The following IL23R variants were observed in gnomAD, a reference collection of about 807,000 sequenced individuals.
The protein encoded by IL23R is interleukin 23 receptor.
In IL23R, 34 loss-of-function variants were observed where a neutral mutation model predicts 56.9. The ratio of observed to expected loss-of-function variants is 0.60; its 90% CI spans 0.45 to 0.80. The LOEUF (loss-of-function observed/expected upper bound fraction) is 0.80. IL23R is among the 30% of genes least tolerant of loss of function. The pLI is 0.00. For missense variants in IL23R, 635 were observed against 730.0 expected, an observed-to-expected ratio of 0.87 and a Z score of 1.50; for synonymous variants, 230 against 249.2, an observed-to-expected ratio of 0.92 and a Z score of 0.73.
chr1:67,255,983 C>A, intron 10 of IL23R, 56 bp downstream of exon 10: 1 of 924,430 alleles, frequency 1.1e-6, no homozygotes, highest in South Asian at 1.3e-5. Context: ...AGAGTGCAGT[C>A]TAATAATTAG....
chr1:67,173,371 C>T (rs925114452), intron 3 of IL23R, among the ~76,000 whole-genome samples: 1 of 152,048 alleles, frequency 6.6e-6, no homozygotes, highest in East Asian at 1.9e-4. Context: ...ATGTAGATGC[C>T]GTGGAGTAAC....
chr1:67,163,266 T>C (rs892179887), upstream of IL23R, among the ~76,000 whole-genome samples: 3 of 151,456 alleles, frequency 2.0e-5, no homozygotes, highest in African/African-American at 7.3e-5. Flanking sequence ...ATTAGGAGTT[T>C]GAGACCAGCC....
At chr1:67,248,188 G>A (rs1027484664) in intron 9 of IL23R, among the ~76,000 whole-genome samples, 5 of 152,118 alleles carry the variant, frequency 3.3e-5, no homozygotes, top group African/African-American at 1.2e-4. Context: ...AGTTCTCCTG[G>A]ATAATATCCT....
At chr1:67,243,062 G>A (rs755573119) in intron 9 of IL23R, among the ~76,000 whole-genome samples, 61 of 152,212 alleles carry the variant, frequency 4.0e-4, no homozygotes, top group East Asian at 7.7e-4. Flanking sequence ...ATTACAAGTC[G>A]TAAAATGCAG....
chr1:67,174,001 T>G (rs1646978131), intron 3 of IL23R, among the ~76,000 whole-genome samples: 2 of 152,220 alleles, frequency 1.3e-5, no homozygotes, highest in African/African-American at 4.8e-5. Flanking sequence ...TTAAACTGTC[T>G]TCTTCAACAT....
At chr1:67,206,831 A>T in intron 5 of IL23R, 79 bp from the exon 6 acceptor site, 1 of 1,378,458 alleles carries the variant, frequency 7.3e-7, no homozygotes, top group Non-Finnish European at 9.8e-7. Flanking sequence ...TCATATCTAG[A>T]TATTGACGAA....
intron 7 of IL23R, among the ~76,000 whole-genome samples, chr1:67,235,506 G>A (rs1651416105): frequency 6.6e-6 from 1 of 151,358 alleles, no homozygotes; most frequent in Non-Finnish European, 1.5e-5. Context: ...TGATTCTCCT[G>A]TCTCAGCCTC....
intron 1 of IL23R, among the ~76,000 whole-genome samples, chr1:67,154,540 G>T (rs1445122800): frequency 2.0e-5 from 3 of 151,828 alleles, no homozygotes; most frequent in Non-Finnish European, 4.4e-5. Context: ...TTTAATTTTT[G>T]TTGGTTTAAA....
At chr1:67,258,411 C>T (rs760147709) in intron 10 of IL23R, 67 bp from the exon 11 acceptor site, 307 of 1,231,760 alleles carry the variant, frequency 2.5e-4, no homozygotes, top group Non-Finnish European at 3.2e-4. Flanking sequence ...TTCCTATCCT[C>T]ATTCAATTAT....
intron 6 of IL23R, among the ~76,000 whole-genome samples, chr1:67,214,810 AAACAAC>A: frequency 6.6e-6 from 1 of 152,330 alleles, no homozygotes; most frequent in South Asian, 2.1e-4. Flanking sequence ...TTTTAAGAAA[AAACAAC>A]AAGGAAGTAA....
upstream of IL23R, among the ~76,000 whole-genome samples, chr1:67,165,094 A>G (rs1010539049): frequency 2.6e-5 from 4 of 152,112 alleles, no homozygotes; most frequent in Non-Finnish European, 4.4e-5. Context: ...CTGTGGTGCT[A>G]GCTACTCAGG....
intron 3 of IL23R, among the ~76,000 whole-genome samples, chr1:67,175,372 C>G (rs762076792): frequency 3.3e-5 from 5 of 152,036 alleles, no homozygotes; most frequent in Non-Finnish European, 7.4e-5. Flanking sequence ...CCATTTTTAC[C>G]ATGGTTAAGT....
intron 6 of IL23R, among the ~76,000 whole-genome samples, chr1:67,212,708 TA>T (rs1649568304): frequency 6.6e-6 from 1 of 152,048 alleles, no homozygotes; most frequent in Non-Finnish European, 1.5e-5. Flanking sequence ...CATGCCCAGC[TA>T]AATTTTAAAA....
At chr1:67,205,731 T>C (rs1648956238) in intron 5 of IL23R, among the ~76,000 whole-genome samples, 1 of 152,186 alleles carries the variant, frequency 6.6e-6, no homozygotes, top group Non-Finnish European at 1.5e-5. Context: ...ATCTGCTTTC[T>C]TCAAATAAAA....
chr1:67,147,827 A>G (rs944296031), intron 1 of IL23R, among the ~76,000 whole-genome samples: 1 of 152,218 alleles, frequency 6.6e-6, no homozygotes. Flanking sequence ...TAATAATACT[A>G]CATTGGATAC....
chr1:67,150,652 T>TAAA (rs3052338), intron 1 of IL23R, among the ~76,000 whole-genome samples: 3,442 of 95,796 alleles, frequency 0.036, 77 homozygotes, highest in Middle Eastern at 0.056. Flanking sequence ...GAACTTAAAG[T>TAAA]AAAAAAAAAA....
chr1:67,188,775 C>G (rs1434517028), intron 4 of IL23R, among the ~76,000 whole-genome samples: 1 of 152,072 alleles, frequency 6.6e-6, no homozygotes, highest in Non-Finnish European at 1.5e-5. Flanking sequence ...TAGAAGGGGC[C>G]AGGCAGCTCC....
intron 3 of IL23R, among the ~76,000 whole-genome samples, chr1:67,180,535 C>T (rs1647123354): frequency 2.6e-5 from 4 of 152,136 alleles, no homozygotes. Flanking sequence ...GATGGGTTTC[C>T]TGAATACAGC....
intron 6 of IL23R, chr1:67,207,483 A>C: frequency 3.1e-6 from 1 of 318,160 alleles, no homozygotes; most frequent in Non-Finnish European, 6.1e-6. Flanking sequence ...CAGAATTCCC[A>C]GGTGTTGTGG....
Sources: gnomAD v4.1 joint callset for allele counts (sites outside exome capture counted in the v4.1 genomes callset) on GRCh38, gnomAD v4.1.1 for gene constraint, MANE v1.5 for transcripts, NCBI Gene and HGNC (gene_info 2026-07-23, HGNC 2026-07-21) for gene names.